The following INPP5A variants were observed in gnomAD, a reference collection of about 807,000 sequenced individuals.
INPP5A encodes inositol polyphosphate-5-phosphatase A, also known as 43 kDa inositol polyphosphate 5-phophatase.
A neutral mutation model predicts 65.2 loss-of-function variants in INPP5A; 14 were observed. The ratio of observed to expected loss-of-function variants is 0.21; its 90% CI spans 0.14 to 0.34. The LOEUF (loss-of-function observed/expected upper bound fraction) is 0.34. Among genes scored for constraint, INPP5A ranks in the 10% least tolerant of loss-of-function variants. The probability of loss-of-function intolerance (pLI) is 1.00; values close to 1 mark genes in which losing one functional copy is unlikely to be tolerated. For synonymous variants in INPP5A, 207 were observed against 208.3 expected, an observed-to-expected ratio of 0.99 and a Z score of 0.05; for missense variants, 431 against 545.6, an observed-to-expected ratio of 0.79 and a Z score of 2.09.
At chr10:132,736,628 G>A (rs1230059019) in intron 9 of INPP5A, among the ~76,000 whole-genome samples, 4 of 152,262 alleles carry the variant, frequency 2.6e-5, no homozygotes, top group Middle Eastern at 3.2e-3. Flanking sequence ...CTCAAAGGCT[G>A]TGTCTGCCGT....
chr10:132,626,732 C>G (rs1251765327), intron 2 of INPP5A, among the ~76,000 whole-genome samples: 1 of 152,220 alleles, frequency 6.6e-6, no homozygotes, highest in African/African-American at 2.4e-5. Context: ...GGAATGCACA[C>G]GTTAGCAGTC....
Position 132,547,101 on chromosome 10 carries a change from A to G in INPP5A, c.75+8930A>G, listed in dbSNP as rs1335236298. On this transcript the variant is annotated intron_variant, in intron 1 of 15. Coordinates refer to ENST00000368594, the MANE Select transcript of INPP5A (RefSeq NM_005539.5). The surrounding 1 kb of genome is among the most constrained non-coding windows in gnomAD (Gnocchi z 5.5). Reference sequence around the variant, plus strand: ...GAGAGGAAATCCCGCCTTCAGTGCCAGGTGCCAGGCCACAGTCCAGGTTCA... The same window carrying G: ...GAGAGGAAATCCCGCCTTCAGTGCCGGGTGCCAGGCCACAGTCCAGGTTCA... 6.6e-6 allele frequency among the ~76,000 whole-genome samples: 1 copy of G among 152,238 alleles called. No individual in the cohort carries two copies. Among genetic ancestry groups the G allele is most frequent in the African/African-American group, 2.4e-5 (1 of 41,464 alleles).
intron 8 of INPP5A, among the ~76,000 whole-genome samples, chr10:132,719,240 C>A (rs1845811173): frequency 6.8e-6 from 1 of 146,978 alleles, no homozygotes; most frequent in African/African-American, 2.5e-5. Context: ...TTCTGTGGTA[C>A]CTGGGTTCTG....
chr10:132,586,647 G>T (rs555360752), intron 1 of INPP5A, among the ~76,000 whole-genome samples: 88 of 152,374 alleles, frequency 5.8e-4, no homozygotes, highest in African/African-American at 2.0e-3. Flanking sequence ...GAGTGAAATG[G>T]CTGGTTACGG....
At chr10:132,668,757 C>T (rs1025323230) in intron 4 of INPP5A, among the ~76,000 whole-genome samples, 39 of 152,358 alleles carry the variant, frequency 2.6e-4, no homozygotes, top group African/African-American at 8.7e-4. Flanking sequence ...TCACCCCTCT[C>T]TGAATAGCTC....
intron 1 of INPP5A, among the ~76,000 whole-genome samples, chr10:132,579,353 A>G (rs2071452333): frequency 6.6e-6 from 1 of 151,872 alleles, no homozygotes; most frequent in African/African-American, 2.4e-5. Flanking sequence ...TGAGGGCATG[A>G]ACTCCGTTTT....
At chr10:132,542,252 C>G (rs927352855) in intron 1 of INPP5A, among the ~76,000 whole-genome samples, 1 of 152,230 alleles carries the variant, frequency 6.6e-6, no homozygotes, top group African/African-American at 2.4e-5. Context: ...GCAGCCCTGT[C>G]CCTCTGCCCA....
chr10:132,771,871 C>T (rs56317638), intron 12 of INPP5A, among the ~76,000 whole-genome samples: 2,205 of 69,242 alleles, frequency 0.032, 309 homozygotes, highest in African/African-American at 0.061. Context: ...AGCCACCCCG[C>T]GAAGAGTGGG....
chr10:132,776,447 C>T (rs982250770), intron 12 of INPP5A, among the ~76,000 whole-genome samples: 2 of 152,222 alleles, frequency 1.3e-5, no homozygotes, highest in Non-Finnish European at 2.9e-5. Flanking sequence ...CTGCAGAATC[C>T]GCAGCTGAGG....
rs551354350 is a variant in INPP5A at position 132,751,763 on chromosome 10, G to C, written c.903+1918G>C. Reference sequence around the variant, plus strand: ...CCAGGAGGTGTCTTCGTGGAGGCGAGTGCCCAGGAGGTGTCTGGATGGAGG... The same window carrying C: ...CCAGGAGGTGTCTTCGTGGAGGCGACTGCCCAGGAGGTGTCTGGATGGAGG... On this transcript the variant is annotated intron_variant, in intron 11 of 15. Coordinates refer to ENST00000368594, the MANE Select transcript of INPP5A (RefSeq NM_005539.5). Among the ~76,000 whole-genome samples the C allele has an allele frequency of 1.6e-3, 240 of 147,260 alleles. 3 individuals carry two copies. Among genetic ancestry groups the C allele is most frequent in the African/African-American group, 5.5e-3 (211 of 38,310 alleles).
rs891139034 is a variant in INPP5A at position 132,644,509 on chromosome 10, G to A, written c.118-1359G>A. Among the ~76,000 whole-genome samples the A allele has an allele frequency of 6.6e-5, 10 of 152,234 alleles. No individual in the cohort carries two copies. The highest frequency in any genetic ancestry group is 4.1e-4 in the South Asian group (2 of 4,828). The stretch of plus-strand genomic sequence containing the variant: ...CACTTGCTCAGCTGCGCCCTGGACC[G>A]TGGCCGCTGGGCTCCTGGGAGGTGG... On this transcript the variant is annotated intron_variant, in intron 2 of 15. Transcript: ENST00000368594. The surrounding 1 kb of genome is among the most constrained non-coding windows in gnomAD (Gnocchi z 6.5).
At chr10:132,766,384 G>A (rs1478207712) in intron 12 of INPP5A, among the ~76,000 whole-genome samples, 1 of 152,222 alleles carries the variant, frequency 6.6e-6, no homozygotes, top group Non-Finnish European at 1.5e-5. Context: ...TGTGTGTTAT[G>A]GATCTTTCTG....
At chr10:132,567,525 T>C (rs937277745) in intron 1 of INPP5A, among the ~76,000 whole-genome samples, 1 of 152,244 alleles carries the variant, frequency 6.6e-6, no homozygotes, top group African/African-American at 2.4e-5. Context: ...AGGAACATCG[T>C]AAATAACCAT....
At chr10:132,613,225 C>T (rs931886847) in intron 2 of INPP5A, among the ~76,000 whole-genome samples, 2 of 152,144 alleles carry the variant, frequency 1.3e-5, no homozygotes, top group Non-Finnish European at 2.9e-5. Context: ...CTCCTGTGAC[C>T]TGCAGCCCCT....
intron 8 of INPP5A, among the ~76,000 whole-genome samples, chr10:132,717,947 G>C (rs1428821782): frequency 9.8e-5 from 12 of 122,290 alleles, no homozygotes; most frequent in Admixed American, 3.4e-4. Context: ...CGGCTGTCTT[G>C]CGGGTTCTGT....
chr10:132,737,013 C>T (rs975120793), intron 9 of INPP5A, among the ~76,000 whole-genome samples: 1 of 152,264 alleles, frequency 6.6e-6, no homozygotes, highest in African/African-American at 2.4e-5. Flanking sequence ...CAGCTCCCAT[C>T]AGGCGTGACA....
chr10:132,634,332 C>G (rs2133377364), intron 2 of INPP5A, among the ~76,000 whole-genome samples: 1 of 148,118 alleles, frequency 6.8e-6, no homozygotes, highest in East Asian at 2.0e-4. Flanking sequence ...TATCATCTCC[C>G]TTGGTGGGTG....
At position 132,650,942 on chromosome 10, in the gene INPP5A, G is replaced by C. The variant is rs548166560; in HGVS notation, c.306+437G>C. 6.6e-6 allele frequency among the ~76,000 whole-genome samples: 1 copy of C among 152,188 alleles called. No individual in the cohort carries two copies. The highest frequency in any genetic ancestry group is 1.5e-5 in the Non-Finnish European group (1 of 68,026). ...ATCCCTGAGTGTGCAGGGCTGGGGC[G>C]GTGTCCTGCCTCGGAGAGAGGCTGT... On this transcript the variant is annotated intron_variant, in intron 4 of 15. Coordinates refer to ENST00000368594, the MANE Select transcript of INPP5A (RefSeq NM_005539.5). This position sits in a 1 kb window ranked among gnomAD's most constrained non-coding sequence, Gnocchi z 5.5.
chr10:132,560,072 T>G (rs751662434), intron 1 of INPP5A, among the ~76,000 whole-genome samples: 74 of 152,220 alleles, frequency 4.9e-4, no homozygotes, highest in Non-Finnish European at 8.1e-4. Context: ...GGTGTAGACC[T>G]GCTTGTGGAA....
Sources: gnomAD v4.1 joint callset for allele counts (sites outside exome capture counted in the v4.1 genomes callset) on GRCh38, gnomAD v4.1.1 for gene constraint, Gnocchi (gnomAD v3.1) non-coding constraint, MANE v1.5 for transcripts, NCBI Gene and HGNC (gene_info 2026-07-23, HGNC 2026-07-21) for gene names.